Variants in TOMM70 observed in about 807,000 individuals in gnomAD.
TOMM70 encodes the protein translocase of outer mitochondrial membrane 70.
In TOMM70, 13 loss-of-function variants were observed where a neutral mutation model predicts 73.6. The observed-to-expected ratio is 0.18, with a 90% CI of 0.11 to 0.28. TOMM70 has a LOEUF of 0.28. Among genes scored for constraint, TOMM70 ranks in the 10% least tolerant of loss-of-function variants. The probability of loss-of-function intolerance (pLI) is 1.00; values close to 1 mark genes in which losing one functional copy is unlikely to be tolerated. For synonymous variants in TOMM70, 257 were observed against 271.2 expected (o/e 0.95, Z 0.51); for missense variants, 609 against 747.5 (o/e 0.81, Z 2.16).
chr3:100,373,699 T>G, intron 7 of TOMM70, 54 bp from the exon 8 acceptor site: 1 of 1,207,678 alleles, frequency 8.3e-7, no homozygotes. Context: ...TTAAGTATGT[T>G]CAGTGTCTCA....
intron 1 of TOMM70, 65 bp from the exon 2 acceptor site, chr3:100,387,043 A>G: frequency 6.6e-7 from 1 of 1,518,750 alleles, no homozygotes; most frequent in Admixed American, 2.0e-5. Flanking sequence ...CACAGTAATT[A>G]AACAATAAAT....
At chr3:100,391,839 T>C (rs1215574155) in intron 1 of TOMM70, among the ~76,000 whole-genome samples, 2 of 152,212 alleles carry the variant, frequency 1.3e-5, no homozygotes, top group African/African-American at 2.4e-5. Flanking sequence ...CTAAGGGGTA[T>C]AGTGTTTAAA....
chr3:100,392,486 C>G (rs1034414378), intron 1 of TOMM70, among the ~76,000 whole-genome samples: 2 of 152,130 alleles, frequency 1.3e-5, no homozygotes, highest in South Asian at 2.1e-4. Context: ...GGTGTGACCT[C>G]GGCTCACTGC....
At chr3:100,399,733 C>CT (rs1706866946) in intron 1 of TOMM70, among the ~76,000 whole-genome samples, 12 of 139,708 alleles carry the variant, frequency 8.6e-5, no homozygotes, top group African/African-American at 3.0e-4. Context: ...AAGTCACTCC[C>CT]ATTTTTTTTT....
chr3:100,367,396 T>C (rs1273873011), intron 11 of TOMM70, among the ~76,000 whole-genome samples: 2 of 152,112 alleles, frequency 1.3e-5, no homozygotes, highest in East Asian at 3.8e-4. Context: ...TGACAAGTGA[T>C]AATGCCAAGA....
At chr3:100,368,355 T>G (rs1706469800) in intron 10 of TOMM70, among the ~76,000 whole-genome samples, 189 bp from the exon 11 acceptor site, 1 of 152,204 alleles carries the variant, frequency 6.6e-6, no homozygotes, top group Non-Finnish European at 1.5e-5. Flanking sequence ...TCTAAGTTCC[T>G]TATTACAAAA....
At position 100,381,710 on chromosome 3, in the gene TOMM70, A is replaced by C; in HGVS notation, c.789T>G (p.Ser263=). The C allele has an allele frequency of 6.2e-7, 1 of 1,612,684 alleles. No homozygotes were observed. Among genetic ancestry groups the C allele is most frequent in the Non-Finnish European group, 8.5e-7 (1 of 1,179,180 alleles). The change falls in exon 5 of 12, where the codon TCT becomes TCG. Residue 263 remains serine, a synonymous_variant. Coordinates refer to ENST00000284320, the MANE Select transcript of TOMM70 (RefSeq NM_014820.5). ...GCTGGGAAATGATATCATCCGTGAA[A>C]GAACTGAAGTAAGATTTGATAAACT... is the stretch of plus-strand genomic sequence containing the variant. ...SPQFIKSYFS[S]FTDDIISQPM...
At chr3:100,387,615 C>G (rs1280977312) in intron 1 of TOMM70, among the ~76,000 whole-genome samples, 3 of 142,198 alleles carry the variant, frequency 2.1e-5, no homozygotes, top group African/African-American at 7.8e-5. Context: ...CACACACACA[C>G]ACACACACAC....
chr3:100,380,673 GA>G (rs1706623298), intron 5 of TOMM70, among the ~76,000 whole-genome samples: 1 of 152,124 alleles, frequency 6.6e-6, no homozygotes. Flanking sequence ...ACCAGAAGAA[GA>G]AAGTATTTGC....
intron 6 of TOMM70, among the ~76,000 whole-genome samples, chr3:100,376,324 G>A (rs575140960): frequency 4.1e-5 from 6 of 148,048 alleles, no homozygotes; most frequent in Non-Finnish European, 7.4e-5. Flanking sequence ...TTCCCATGTT[G>A]TGTGATGTGT....
In TOMM70 at chr3:100,400,924, G is replaced by T. The variant is rs983269463; in HGVS notation, c.26C>A (p.Ala9Glu). The T allele has an allele frequency of 2.0e-6, 3 of 1,524,004 alleles. No homozygotes were observed. Among genetic ancestry groups the T allele is most frequent in the Non-Finnish European group, 2.6e-6 (3 of 1,142,308 alleles). The allele number at this position is 1,524,004 out of a possible 1,614,324, so 94.4% of individuals were successfully genotyped here. Reference protein sequence around the residue: MAASKPVEAAVVAAAVPSS... With the variant: MAASKPVEEAVVAAAVPSS... ...CGGTACAGCGGCTGCGACCACCGCT[G>T]CCTCCACAGGTTTAGAGGCGGCCAT... The change falls in exon 1 of 12, where the codon GCA becomes GAA. Residue 9 changes from alanine to glutamate, a missense_variant. This residue lies in a region of TOMM70 where 177 missense variants were observed against 163.5 expected (regional missense o/e 1.08). Transcript: ENST00000284320.
chr3:100,400,976 C>A lies in TOMM70; in HGVS notation c.-27G>T. 1 of 1,525,206 alleles carries A rather than the reference C, an allele frequency of 6.6e-7. No individual in the cohort carries two copies. Among genetic ancestry groups the A allele is most frequent in the South Asian group, 1.2e-5 (1 of 83,468 alleles). The allele number at this position is 1,525,206 out of a possible 1,614,324, so 94.5% of individuals were successfully genotyped here. A position where few individuals can be genotyped will look rare whatever the true frequency, so the allele number is the denominator to read the frequency against. On this transcript the variant is annotated 5_prime_UTR_variant, in exon 1 of 12. In the 5' UTR this introduces an upstream ATG that the reference lacks. Transcript: ENST00000284320. The stretch of plus-strand genomic sequence containing the variant: ...ACAAGTGTCCTCTGCCACCGCCTCC[C>A]TGTCTGTCGCGAGCGCCACAATCAC...
At chr3:100,378,780 G>A (rs909291535) in intron 5 of TOMM70, among the ~76,000 whole-genome samples, 3 of 152,176 alleles carry the variant, frequency 2.0e-5, no homozygotes, top group African/African-American at 7.2e-5. Context: ...GCAGAGGTGG[G>A]CGGATCACGA....
At chr3:100,373,945 A>AAT (rs955422389) in intron 7 of TOMM70, among the ~76,000 whole-genome samples, 25 of 152,200 alleles carry the variant, frequency 1.6e-4, no homozygotes, top group African/African-American at 6.0e-4. Context: ...TGTACATTCT[A>AAT]ATATCAAAGC....
intron 9 of TOMM70, among the ~76,000 whole-genome samples, chr3:100,370,755 G>A (rs1349426549): frequency 6.6e-6 from 1 of 152,188 alleles, no homozygotes; most frequent in East Asian, 1.9e-4. Context: ...AGAAATTTGA[G>A]TGCAAACTGA....
At chr3:100,376,054 A>G (rs1329063377) in intron 6 of TOMM70, among the ~76,000 whole-genome samples, 1 of 152,114 alleles carries the variant, frequency 6.6e-6, no homozygotes, top group Non-Finnish European at 1.5e-5. Flanking sequence ...TTTTTATTAG[A>G]GCCTTATTGT....
intron 5 of TOMM70, among the ~76,000 whole-genome samples, chr3:100,380,483 C>G (rs1706621080): frequency 1.3e-5 from 2 of 152,164 alleles, no homozygotes; most frequent in Non-Finnish European, 2.9e-5. Flanking sequence ...GTAAATATTA[C>G]TAGCTCCATT....
At chr3:100,376,700 G>A (rs1706569871) in intron 6 of TOMM70, among the ~76,000 whole-genome samples, 1 of 151,728 alleles carries the variant, frequency 6.6e-6, no homozygotes, top group Non-Finnish European at 1.5e-5. Context: ...TATAGTTTTA[G>A]CTCTTACATT....
At chr3:100,392,486 C>T (rs1034414378) in intron 1 of TOMM70, among the ~76,000 whole-genome samples, 6 of 152,130 alleles carry the variant, frequency 3.9e-5, no homozygotes, top group Admixed American at 1.3e-4. Context: ...GGTGTGACCT[C>T]GGCTCACTGC....
Sources: allele counts gnomAD v4.1 joint callset (sites outside exome capture counted in the v4.1 genomes callset), GRCh38; gene constraint gnomAD v4.1.1; regional missense constraint gnomAD v4.1.1; transcripts MANE v1.5; gene names NCBI Gene and HGNC (gene_info 2026-07-23, HGNC 2026-07-21).